The following PLXDC2 variants were observed in gnomAD, a reference collection of about 807,000 sequenced individuals.
PLXDC2 encodes the protein plexin domain-containing protein 2.
PLXDC2 carries 40 observed loss-of-function variants against 68.9 expected under a neutral mutation model. The ratio of observed to expected loss-of-function variants is 0.58; its 90% CI spans 0.45 to 0.76. The LOEUF is 0.76. PLXDC2 is among the 30% of genes least tolerant of loss of function. PLXDC2 has a pLI of 0.00. For synonymous variants in PLXDC2, 243 were observed against 234.2 expected (o/e 1.04, Z -0.34); for missense variants, 644 against 661.9 (o/e 0.97, Z 0.30).
chr10:20,003,371 A>G (rs1834974122), intron 2 of PLXDC2, among the ~76,000 whole-genome samples: 1 of 152,098 alleles, frequency 6.6e-6, no homozygotes, highest in African/African-American at 2.4e-5. Context: ...GTTCAGATGC[A>G]CTCTGACCAG....
At chr10:20,267,370 G>C (rs116978246) in intron 13 of PLXDC2, among the ~76,000 whole-genome samples, 1 of 152,066 alleles carries the variant, frequency 6.6e-6, no homozygotes, top group Non-Finnish European at 1.5e-5. Flanking sequence ...CTTGCCATAG[G>C]CCTTAGTGCT....
chr10:19,929,711 G>A (rs1241451807), intron 1 of PLXDC2, among the ~76,000 whole-genome samples: 6 of 152,248 alleles, frequency 3.9e-5, no homozygotes, highest in South Asian at 2.1e-4. Context: ...ACAAAGCTGC[G>A]TTTCCATCCA....
chr10:20,035,507 G>T (rs766402373), intron 2 of PLXDC2, among the ~76,000 whole-genome samples: 7 of 151,976 alleles, frequency 4.6e-5, no homozygotes, highest in African/African-American at 1.7e-4. Flanking sequence ...GACCAGCCTG[G>T]CTAACATGGT....
Position 19,883,884 on chromosome 10 carries a change from CTTTTTTTT to C in PLXDC2, c.112+66713_112+66720del, listed in dbSNP as rs397846779. Among the ~76,000 whole-genome samples, 54 of 55,104 alleles carry C rather than the reference CTTTTTTTT, an allele frequency of 9.8e-4. No homozygotes were observed. In the East Asian group the frequency reaches 0.018, roughly 19 times the overall value. The allele number at this position is 55,104 out of a possible 152,430, so 36.2% of individuals were successfully genotyped here. A position where few individuals can be genotyped will look rare whatever the true frequency, so the allele number is the denominator to read the frequency against. On this transcript the variant is annotated intron_variant, in intron 1 of 13. Coordinates refer to ENST00000377252, the MANE Select transcript of PLXDC2 (RefSeq NM_032812.9). ...ATTACTGTCTCCAGATCCCTTTAAA[CTTTTTTTT>C]TTTTTTTTTTTTTTTTTTTAGCAGA...
intron 4 of PLXDC2, among the ~76,000 whole-genome samples, chr10:20,138,850 T>G (rs928912740): frequency 6.6e-6 from 1 of 151,986 alleles, no homozygotes; most frequent in African/African-American, 2.4e-5. Flanking sequence ...GAGGCAGAGT[T>G]TGCAGTGAGC....
intron 1 of PLXDC2, among the ~76,000 whole-genome samples, chr10:19,909,372 C>T (rs1217990070): frequency 6.6e-6 from 1 of 152,162 alleles, no homozygotes; most frequent in African/African-American, 2.4e-5. Flanking sequence ...ATCCCGGAGA[C>T]ATACCACCTC....
chr10:20,056,832 C>T (rs543341384), intron 3 of PLXDC2, among the ~76,000 whole-genome samples: 2 of 152,116 alleles, frequency 1.3e-5, no homozygotes, highest in Non-Finnish European at 2.9e-5. Flanking sequence ...TTCTCTATTA[C>T]CGGTGAAGGC....
chr10:20,156,834 G>A (rs1465822277), intron 6 of PLXDC2, among the ~76,000 whole-genome samples: 1 of 152,160 alleles, frequency 6.6e-6, no homozygotes, highest in Non-Finnish European at 1.5e-5. Context: ...AAAGCAAATG[G>A]ATTTTTACAT....
At chr10:20,165,088 G>C (rs1378820192) in intron 7 of PLXDC2, among the ~76,000 whole-genome samples, 2 of 152,086 alleles carry the variant, frequency 1.3e-5, no homozygotes, top group African/African-American at 2.4e-5. Flanking sequence ...CTCCCAAAGT[G>C]CTAGGATTAC....
At chr10:19,966,943 C>T (rs887041202) in intron 1 of PLXDC2, among the ~76,000 whole-genome samples, 3 of 152,224 alleles carry the variant, frequency 2.0e-5, no homozygotes, top group African/African-American at 7.2e-5. Context: ...GCTGTTTCCA[C>T]AGCCACATTC....
chr10:19,859,771 G>A (rs923985791), intron 1 of PLXDC2, among the ~76,000 whole-genome samples: 3 of 151,948 alleles, frequency 2.0e-5, no homozygotes, highest in Non-Finnish European at 4.4e-5. Flanking sequence ...TCTCTGCATC[G>A]CCCAAGCTAG....
At chr10:19,829,442 GT>G (rs1237150120) in intron 1 of PLXDC2, among the ~76,000 whole-genome samples, 1 of 152,094 alleles carries the variant, frequency 6.6e-6, no homozygotes, top group Non-Finnish European at 1.5e-5. Context: ...CTTACCACAT[GT>G]TTCTTTGAGC....
intron 1 of PLXDC2, among the ~76,000 whole-genome samples, chr10:19,858,963 C>A (rs1372695658): frequency 6.6e-6 from 1 of 151,480 alleles, no homozygotes; most frequent in African/African-American, 2.4e-5. Context: ...CTTCAGGAAG[C>A]TTCCACTCAT....
rs533876444 is a variant in PLXDC2, at chr10:19,886,194, A to G, written c.112+69003A>G. 1.2e-4 allele frequency among the ~76,000 whole-genome samples: 18 copies of G among 152,222 alleles called. No homozygotes were observed. The East Asian group carries it at 2.3e-3, about 20-fold the overall frequency. Reference sequence around the variant, plus strand: ...GTATAGGAATGCTTGTGATTTTTGTACATTGATTTTGTATCCTGAGACTTC... The same window carrying G: ...GTATAGGAATGCTTGTGATTTTTGTGCATTGATTTTGTATCCTGAGACTTC... On this transcript the variant is annotated intron_variant, in intron 1 of 13. Coordinates refer to ENST00000377252, the MANE Select transcript of PLXDC2 (RefSeq NM_032812.9).
At chr10:20,011,813 T>C (rs1835118782) in intron 2 of PLXDC2, among the ~76,000 whole-genome samples, 1 of 152,236 alleles carries the variant, frequency 6.6e-6, no homozygotes, top group Admixed American at 6.5e-5. Flanking sequence ...TGAAGATCTG[T>C]AGTATGATGA....
chr10:19,954,086 CA>C (rs1486296275), intron 1 of PLXDC2, among the ~76,000 whole-genome samples: 1 of 151,962 alleles, frequency 6.6e-6, no homozygotes, highest in Non-Finnish European at 1.5e-5. Flanking sequence ...AGGAGGTAGA[CA>C]CTGGAATAGG....
At chr10:20,051,440 A>G (rs1391537874) in intron 3 of PLXDC2, among the ~76,000 whole-genome samples, 1 of 111,548 alleles carries the variant, frequency 9.0e-6, no homozygotes, top group African/African-American at 3.5e-5. Flanking sequence ...ATATATATAT[A>G]TATGTGCTAT....
At chr10:19,847,928 T>C (rs565154918) in intron 1 of PLXDC2, among the ~76,000 whole-genome samples, 1 of 152,268 alleles carries the variant, frequency 6.6e-6, no homozygotes, top group Non-Finnish European at 1.5e-5. Context: ...TGCCTAACCA[T>C]AGAACTATTC....
chr10:19,829,854 C>A (rs1589488390), intron 1 of PLXDC2, among the ~76,000 whole-genome samples: 1 of 152,272 alleles, frequency 6.6e-6, no homozygotes, highest in East Asian at 1.9e-4. Context: ...GGATGATTTA[C>A]AAATTGTCCA....
Sources: gnomAD v4.1 joint callset for allele counts (sites outside exome capture counted in the v4.1 genomes callset) on GRCh38, gnomAD v4.1.1 for gene constraint, MANE v1.5 for transcripts, NCBI Gene and HGNC (gene_info 2026-07-23, HGNC 2026-07-21) for gene names.